The following SAMD5 variants were observed in gnomAD, a reference collection of about 807,000 sequenced individuals.
SAMD5 encodes the protein sterile alpha motif domain containing 5.
Under a neutral mutation model 11.3 loss-of-function variants are expected in SAMD5, and 13 were observed. That is an observed-to-expected ratio of 1.15 (90% CI 0.75 to 1.83). The LOEUF (loss-of-function observed/expected upper bound fraction) is 1.83, where lower values mean the gene tolerates loss of function less well. Among genes scored for constraint, SAMD5 ranks in the 40% most tolerant of loss-of-function variants. SAMD5 has a pLI of 0.00. For missense variants in SAMD5, 255 were observed against 239.1 expected, an observed-to-expected ratio of 1.07 and a Z score of -0.44; for synonymous variants, 129 against 111.3, an observed-to-expected ratio of 1.16 and a Z score of -1.00.
intron 1 of SAMD5, among the ~76,000 whole-genome samples, chr6:147,694,108 T>C (rs1004474188): frequency 3.9e-5 from 6 of 152,230 alleles, no homozygotes; most frequent in Admixed American, 1.3e-4. Context: ...GAAGTGACTT[T>C]ATTATGATAG....
intron 1 of SAMD5, among the ~76,000 whole-genome samples, chr6:147,678,347 G>T (rs1023873123): frequency 6.6e-6 from 1 of 152,074 alleles, no homozygotes; most frequent in African/African-American, 2.4e-5. Context: ...ATATTTTAAG[G>T]AATTTGCAAT....
the SAMD5 span, among the ~76,000 whole-genome samples, chr6:147,870,168 C>T: frequency 7.2e-5 from 11 of 152,164 alleles, no homozygotes; most frequent in African/African-American, 1.4e-4. Flanking sequence ...ACTACCATAC[C>T]GGACAGTGCA....
chr6:147,946,618 A>G, the SAMD5 span, among the ~76,000 whole-genome samples: 7 of 152,224 alleles, frequency 4.6e-5, no homozygotes, highest in Non-Finnish European at 7.3e-5. Flanking sequence ...AATTATAAGT[A>G]ATTATTTAGG....
At chr6:147,749,220 A>T in the SAMD5 span, among the ~76,000 whole-genome samples, 10 of 146,246 alleles carry the variant, frequency 6.8e-5, no homozygotes, top group African/African-American at 2.6e-4. Flanking sequence ...CCCAGGCTGG[A>T]GTACAGTGGT....
chr6:147,591,648 T>C (rs1789456437), intron 1 of SAMD5, among the ~76,000 whole-genome samples: 1 of 152,178 alleles, frequency 6.6e-6, no homozygotes, highest in Non-Finnish European at 1.5e-5. Context: ...GTCATACATC[T>C]GGATAAAAGG....
chr6:147,821,446 A>C, the SAMD5 span, among the ~76,000 whole-genome samples: 32,716 of 152,194 alleles, frequency 0.21, 3,841 homozygotes, highest in African/African-American at 0.3. Context: ...TCTGAAGGCT[A>C]CGACCAGCAA....
chr6:147,574,106 C>T (rs565241666), downstream of SAMD5, among the ~76,000 whole-genome samples: 6 of 149,576 alleles, frequency 4.0e-5, no homozygotes, highest in East Asian at 2.0e-4. Context: ...CCAGCCTGGG[C>T]GATAGAGCGA....
At chr6:147,572,173 A>G (rs886403387), downstream of SAMD5, among the ~76,000 whole-genome samples, 2 of 151,932 alleles carry the variant, frequency 1.3e-5, no homozygotes, top group Admixed American at 1.3e-4. Context: ...CTGAATGTTG[A>G]GGTTATGTGA....
the SAMD5 span, among the ~76,000 whole-genome samples, chr6:147,832,320 T>C: frequency 6.6e-6 from 1 of 152,244 alleles, no homozygotes; most frequent in South Asian, 2.1e-4. Flanking sequence ...CTCATACTGT[T>C]ATCTAAACTG....
intron 1 of SAMD5, among the ~76,000 whole-genome samples, chr6:147,720,537 A>G (rs1791535945): frequency 6.6e-6 from 1 of 152,062 alleles, no homozygotes; most frequent in African/African-American, 2.4e-5. Flanking sequence ...TTGTGTAGAA[A>G]CGATACCAAA....
At chr6:147,734,482 C>T (rs1379108939) in intron 1 of SAMD5, among the ~76,000 whole-genome samples, 3 of 151,780 alleles carry the variant, frequency 2.0e-5, no homozygotes, top group Admixed American at 6.6e-5. Flanking sequence ...TCTGGGAGAC[C>T]GAGGCGGGCG....
rs577439818 is a variant in SAMD5 at position 147,565,389 on chromosome 6, G to A, written c.*933G>A. 6,480 of 985,580 alleles carry A rather than the reference G, an allele frequency of 6.6e-3. 30 individuals are homozygous for A. Among genetic ancestry groups the A allele is most frequent in the Non-Finnish European group, 7.5e-3 (6,188 of 829,706 alleles). The allele number at this position is 985,580 out of a possible 1,614,324, so 61.1% of individuals were successfully genotyped here. On this transcript the variant is annotated 3_prime_UTR_variant, in exon 2 of 2. Coordinates refer to ENST00000367474, the MANE Select transcript of SAMD5 (RefSeq NM_001030060.3). ...TGAAAAAGAAAGTAGATTGAGGTGG[G>A]GGGAGGAAATTAACAGGAATCTAGA...
intron 1 of SAMD5, among the ~76,000 whole-genome samples, chr6:147,602,435 C>T (rs1442970661): frequency 6.6e-6 from 1 of 152,134 alleles, no homozygotes; most frequent in African/African-American, 2.4e-5. Context: ...TGGAAACAAA[C>T]ATTGTCACAA....
chr6:147,845,770 A>T, the SAMD5 span, among the ~76,000 whole-genome samples: 2 of 152,216 alleles, frequency 1.3e-5, no homozygotes, highest in Admixed American at 1.3e-4. Context: ...TTACTCATAC[A>T]TTGTTGATAG....
At chr6:147,532,752 G>A (rs143370873) in intron 1 of SAMD5, among the ~76,000 whole-genome samples, 463 of 152,186 alleles carry the variant, frequency 3.0e-3, no homozygotes, top group Non-Finnish European at 5.2e-3. Flanking sequence ...CCCACCCACA[G>A]TATCAAAGTG....
At chr6:147,925,595 A>G in the SAMD5 span, among the ~76,000 whole-genome samples, 34 of 151,776 alleles carry the variant, frequency 2.2e-4, no homozygotes, top group African/African-American at 8.2e-4. Context: ...TAGTTACATA[A>G]TATTAAGGGA....
chr6:147,696,091 G>T (rs1003101793), intron 1 of SAMD5, among the ~76,000 whole-genome samples: 1 of 152,076 alleles, frequency 6.6e-6, no homozygotes, highest in Admixed American at 6.5e-5. Context: ...GGCAGACCAG[G>T]CTGTGCATAA....
the SAMD5 span, among the ~76,000 whole-genome samples, chr6:147,781,769 T>C: frequency 2.7e-4 from 22 of 81,752 alleles, no homozygotes; most frequent in South Asian, 1.9e-3. Flanking sequence ...ATAATTTGTG[T>C]GCGCACACAC....
intron 1 of SAMD5, among the ~76,000 whole-genome samples, chr6:147,579,216 TG>T (rs1303466524): frequency 6.6e-6 from 1 of 152,106 alleles, no homozygotes; most frequent in Non-Finnish European, 1.5e-5. Flanking sequence ...CAAAACAGAG[TG>T]GCACCAGTGT....
Sources: allele counts gnomAD v4.1 joint callset (sites outside exome capture counted in the v4.1 genomes callset), GRCh38; gene constraint gnomAD v4.1.1; transcripts MANE v1.5; gene names NCBI Gene and HGNC (gene_info 2026-07-23, HGNC 2026-07-21).